Variants in PCDH9 observed in about 807,000 individuals in gnomAD.
PCDH9 encodes the protein protocadherin-9.
A neutral mutation model predicts 70.6 loss-of-function variants in PCDH9; 24 were observed. The ratio of observed to expected loss-of-function variants is 0.34; its 90% CI spans 0.25 to 0.48. The LOEUF is 0.48. PCDH9 is among the 20% of genes least tolerant of loss of function. The probability of loss-of-function intolerance (pLI) is 0.99; values close to 1 mark genes in which losing one functional copy is unlikely to be tolerated. For missense variants in PCDH9, 1,281 were observed against 1,503.6 expected, an observed-to-expected ratio of 0.85 and a Z score of 2.45; for synonymous variants, 562 against 558.5, an observed-to-expected ratio of 1.01 and a Z score of -0.09.
intron 3 of PCDH9, among the ~76,000 whole-genome samples, chr13:66,752,152 G>A (rs1466874733): frequency 1.3e-5 from 2 of 152,080 alleles, no homozygotes; most frequent in African/African-American, 2.4e-5. Context: ...TGGCTTTTTC[G>A]TGGAACTGAC....
At chr13:66,987,614 A>T (rs1295289296) in intron 2 of PCDH9, among the ~76,000 whole-genome samples, 1 of 152,028 alleles carries the variant, frequency 6.6e-6, no homozygotes, top group Non-Finnish European at 1.5e-5. Flanking sequence ...AGTCATTGTT[A>T]GGTAGACTCT....
At chr13:66,864,697 C>T (rs2081541180) in intron 3 of PCDH9, among the ~76,000 whole-genome samples, 1 of 152,204 alleles carries the variant, frequency 6.6e-6, no homozygotes, top group South Asian at 2.1e-4. Context: ...CCACTAATCA[C>T]AAGGCTCATT....
In PCDH9 at chr13:66,653,973, T is replaced by TAAA. The variant is rs59143528; in HGVS notation, c.3139-22565_3139-22563dup. 2.8e-4 allele frequency among the ~76,000 whole-genome samples: 36 copies of TAAA among 128,454 alleles called. 3 individuals carry two copies. Among genetic ancestry groups the TAAA allele is most frequent in the East Asian group, 7.0e-4 (3 of 4,304 alleles). The allele number at this position is 128,454 out of a possible 152,430, so 84.3% of individuals were successfully genotyped here. On this transcript the variant is annotated intron_variant, in intron 3 of 4. Coordinates refer to ENST00000377865, the MANE Select transcript of PCDH9 (RefSeq NM_203487.3). ...ACAAAGCGAGACTCCGTCTCAAAAT[T>TAAA]AAAAAAAAAAAAATAGAAAGAAAAT...
intron 2 of PCDH9, among the ~76,000 whole-genome samples, chr13:67,024,219 G>C (rs2084734916): frequency 6.6e-6 from 1 of 152,140 alleles, no homozygotes; most frequent in Non-Finnish European, 1.5e-5. Flanking sequence ...AAGAGGTGTA[G>C]AAATTTAAAT....
chr13:66,983,298 T>A (rs2083814625), intron 2 of PCDH9, among the ~76,000 whole-genome samples: 1 of 151,998 alleles, frequency 6.6e-6, no homozygotes, highest in South Asian at 2.1e-4. Flanking sequence ...TAAAAAAATT[T>A]AAAAATTAAA....
chr13:67,077,628 C>T (rs891081232), intron 2 of PCDH9, among the ~76,000 whole-genome samples: 8 of 152,096 alleles, frequency 5.3e-5, no homozygotes, highest in South Asian at 2.1e-4. Context: ...TATGAATAAA[C>T]GGATGACATC....
intron 3 of PCDH9, among the ~76,000 whole-genome samples, chr13:66,720,277 C>G (rs1024005245): frequency 6.6e-6 from 1 of 151,352 alleles, no homozygotes; most frequent in African/African-American, 2.4e-5. Flanking sequence ...TCCTGAGTAG[C>G]TGGGTTTACA....
intron 4 of PCDH9, among the ~76,000 whole-genome samples, chr13:66,517,279 G>A (rs532963491): frequency 1.2e-4 from 19 of 152,180 alleles, no homozygotes; most frequent in African/African-American, 3.9e-4. Flanking sequence ...GTAACTGACC[G>A]ATTTATTAAA....
intron 4 of PCDH9, among the ~76,000 whole-genome samples, chr13:66,437,363 C>T (rs932554975): frequency 7.6e-6 from 1 of 131,182 alleles, no homozygotes; most frequent in African/African-American, 2.9e-5. Context: ...CGAGATCGCT[C>T]CACCGCACTC....
chr13:66,775,467 GTGGATCCACTTGTACATGGATTTCCTTT>G (rs1255783912), intron 3 of PCDH9, among the ~76,000 whole-genome samples: 2 of 152,118 alleles, frequency 1.3e-5, no homozygotes, highest in African/African-American at 4.8e-5. Context: ...TTTGAACTGC[GTGGATCCACTTGTACATGGATTTCCTTT>G]TGCCTCTGCC....
At chr13:66,394,433 A>C (rs1957068914) in intron 4 of PCDH9, among the ~76,000 whole-genome samples, 1 of 152,156 alleles carries the variant, frequency 6.6e-6, no homozygotes, top group Admixed American at 6.5e-5. Context: ...GGACTAAAAT[A>C]TTGGGATTTG....
At chr13:66,975,158 T>C (rs1232866664) in intron 2 of PCDH9, among the ~76,000 whole-genome samples, 1 of 152,038 alleles carries the variant, frequency 6.6e-6, no homozygotes, top group Non-Finnish European at 1.5e-5. Context: ...GTGGAATTTA[T>C]AGTGAACAGA....
intron 2 of PCDH9, among the ~76,000 whole-genome samples, chr13:66,983,040 T>C (rs891413278): frequency 2.0e-5 from 3 of 152,194 alleles, no homozygotes; most frequent in Admixed American, 1.3e-4. Flanking sequence ...AATGGGGCAG[T>C]TCACCTATAG....
chr13:66,568,619 C>A (rs538396440), intron 4 of PCDH9, among the ~76,000 whole-genome samples: 20 of 145,500 alleles, frequency 1.4e-4, no homozygotes, highest in African/African-American at 5.0e-4. Context: ...CTGCAGTGAG[C>A]TATGATCATG....
chr13:66,573,058 A>G (rs1347189293), intron 4 of PCDH9, among the ~76,000 whole-genome samples: 3 of 152,188 alleles, frequency 2.0e-5, no homozygotes, highest in African/African-American at 7.2e-5. Context: ...ACAACAGTAT[A>G]CTAGAGCTCC....
At chr13:66,956,369 G>A (rs17082013) in intron 2 of PCDH9, among the ~76,000 whole-genome samples, 10,268 of 152,162 alleles carry the variant, frequency 0.067, 1,146 homozygotes, top group African/African-American at 0.23. Flanking sequence ...CTGAGCCCCC[G>A]ACAATAATGA....
intron 2 of PCDH9, among the ~76,000 whole-genome samples, chr13:67,050,873 C>T (rs770572833): frequency 1.3e-5 from 2 of 151,946 alleles, no homozygotes; most frequent in East Asian, 1.9e-4. Context: ...AGGTACAAAA[C>T]AACATGTATT....
intron 4 of PCDH9, among the ~76,000 whole-genome samples, chr13:66,477,843 C>T (rs187913652): frequency 6.6e-6 from 1 of 152,232 alleles, no homozygotes; most frequent in East Asian, 1.9e-4. Flanking sequence ...ACAAACTTGG[C>T]TTATTTTGCA....
intron 2 of PCDH9, among the ~76,000 whole-genome samples, chr13:67,126,410 G>A (rs1056556656): frequency 5.3e-5 from 8 of 152,064 alleles, no homozygotes; most frequent in Admixed American, 1.3e-4. Flanking sequence ...TTACATTGTG[G>A]TTAGATACCA....
Sources: gnomAD v4.1 joint callset for allele counts (sites outside exome capture counted in the v4.1 genomes callset) on GRCh38, gnomAD v4.1.1 for gene constraint, MANE v1.5 for transcripts, NCBI Gene and HGNC (gene_info 2026-07-23, HGNC 2026-07-21) for gene names.